Variants in TASP1 observed in about 807,000 individuals in gnomAD.
TASP1 encodes the protein threonine aspartase 1.
A neutral mutation model predicts 56.6 loss-of-function variants in TASP1; 16 were observed. The observed-to-expected ratio is 0.28, with a 90% CI of 0.19 to 0.43. TASP1 has a LOEUF of 0.43. Ranked by LOEUF, TASP1 falls within the 20% of genes least tolerant of loss-of-function variation. The pLI is 1.00. For synonymous variants in TASP1, 179 were observed against 184.2 expected (o/e 0.97, Z 0.23); for missense variants, 393 against 511.6 (o/e 0.77, Z 2.24).
the TASP1 span, among the ~76,000 whole-genome samples, chr20:13,346,696 C>T: frequency 8.9e-4 from 136 of 152,320 alleles, no homozygotes; most frequent in Non-Finnish European, 1.3e-3. Context: ...CTGGCGGCCC[C>T]AGACCTCAGC....
chr20:13,584,924 G>A (rs140984310), intron 5 of TASP1, among the ~76,000 whole-genome samples: 151 of 152,048 alleles, frequency 9.9e-4, no homozygotes, highest in African/African-American at 2.9e-3. Flanking sequence ...AGAAAACCCC[G>A]TTAATTTGAA....
chr20:13,164,845 C>A, the TASP1 span: 6 of 1,613,464 alleles, frequency 3.7e-6, no homozygotes, highest in Non-Finnish European at 5.1e-6. Context: ...TATGATGAGA[C>A]GAGCTTTGAA....
At chr20:13,143,559 C>T in the TASP1 span, among the ~76,000 whole-genome samples, 6 of 152,174 alleles carry the variant, frequency 3.9e-5, no homozygotes, top group Non-Finnish European at 8.8e-5. Context: ...TGGCTTCATA[C>T]TGTTTGAGTG....
At chr20:13,122,136 G>A in the TASP1 span, among the ~76,000 whole-genome samples, 8 of 152,128 alleles carry the variant, frequency 5.3e-5, no homozygotes, top group East Asian at 1.9e-4. Flanking sequence ...TCTAAAACCC[G>A]TCTGTTTTCC....
the TASP1 span, among the ~76,000 whole-genome samples, chr20:13,175,623 A>T: frequency 2.6e-5 from 4 of 152,230 alleles, no homozygotes; most frequent in Non-Finnish European, 5.9e-5. Context: ...GAGAAATCAT[A>T]ACCACAGGCC....
chr20:13,393,062 T>G, intron 13 of TASP1: 1 of 594,292 alleles, frequency 1.7e-6, no homozygotes, highest in Admixed American at 2.1e-5. Context: ...GAGGCCCCCA[T>G]GTTTATATAG....
At chr20:13,607,523 C>T (rs776108792) in intron 4 of TASP1, among the ~76,000 whole-genome samples, 7 of 152,092 alleles carry the variant, frequency 4.6e-5, no homozygotes, top group South Asian at 2.1e-4. Flanking sequence ...AAATATTGTA[C>T]AAAAACTAGA....
intron 10 of TASP1, among the ~76,000 whole-genome samples, chr20:13,511,628 T>A (rs924483443): frequency 6.6e-6 from 1 of 152,032 alleles, no homozygotes; most frequent in Non-Finnish European, 1.5e-5. Context: ...TACTTTAAGT[T>A]CTAGGGTACA....
intron 11 of TASP1, among the ~76,000 whole-genome samples, chr20:13,481,502 T>G (rs1301357203): frequency 2.6e-5 from 4 of 152,088 alleles, no homozygotes; most frequent in Non-Finnish European, 5.9e-5. Context: ...TCCAAACTGT[T>G]CTCCATAGTG....
At chr20:13,224,671 T>C in the TASP1 span, among the ~76,000 whole-genome samples, 1 of 145,650 alleles carries the variant, frequency 6.9e-6, no homozygotes, top group Non-Finnish European at 1.5e-5. Context: ...TTTACCTGAA[T>C]TGTAGTATGT....
At chr20:13,361,002 G>A in the TASP1 span, among the ~76,000 whole-genome samples, 2 of 152,114 alleles carry the variant, frequency 1.3e-5, no homozygotes, top group Non-Finnish European at 2.9e-5. Context: ...CAAGCCACTA[G>A]CCCGCCTCTT....
Position 13,392,551 on chromosome 20 carries a change from T to C in TASP1, c.1171-2099A>G, listed in dbSNP as rs981130139. On this transcript the variant is annotated intron_variant, in intron 13 of 13. Transcript: ENST00000337743. ...AGCATACTACTCCGGAAATGCTGAG[T>C]GGGTAAATGACTGAAATAGACCATT... The C allele has an allele frequency of 2.8e-5, 7 of 254,244 alleles. No individual in the cohort carries two copies. In the East Asian group the frequency reaches 5.2e-4, roughly 19 times the overall value. The allele number at this position is 254,244 out of a possible 1,614,324, so 15.7% of individuals were successfully genotyped here. A position where few individuals can be genotyped will look rare whatever the true frequency, so the allele number is the denominator to read the frequency against.
intron 10 of TASP1, among the ~76,000 whole-genome samples, chr20:13,507,462 G>T (rs1318393041): frequency 6.6e-6 from 1 of 152,094 alleles, no homozygotes; most frequent in African/African-American, 2.4e-5. Context: ...GAGCCCAGGA[G>T]GCGATTCCAT....
the TASP1 span, among the ~76,000 whole-genome samples, chr20:13,121,370 GC>G: frequency 3.3e-5 from 5 of 152,176 alleles, no homozygotes; most frequent in African/African-American, 1.2e-4. Context: ...AGTGAGCTCT[GC>G]CCTGCACACT....
At chr20:13,204,481 G>A in the TASP1 span, among the ~76,000 whole-genome samples, 1 of 151,618 alleles carries the variant, frequency 6.6e-6, no homozygotes, top group African/African-American at 2.4e-5. Flanking sequence ...TATTTCATGT[G>A]GGCGATGTGT....
At chr20:13,417,639 T>C in intron 12 of TASP1, 118 bp from the exon 13 acceptor site, 1 of 1,017,634 alleles carries the variant, frequency 9.8e-7, no homozygotes, top group Non-Finnish European at 1.4e-6. Flanking sequence ...TTCCCCACTT[T>C]CCATTTGCTT....
intron 10 of TASP1, among the ~76,000 whole-genome samples, chr20:13,493,795 A>ATG (rs1188498565): frequency 5.9e-5 from 9 of 152,176 alleles, no homozygotes; most frequent in African/African-American, 1.9e-4. Flanking sequence ...ACACATCTCA[A>ATG]TGTAGAAATT....
chr20:13,355,469 C>G, the TASP1 span, among the ~76,000 whole-genome samples: 1 of 152,212 alleles, frequency 6.6e-6, no homozygotes, highest in Non-Finnish European at 1.5e-5. Flanking sequence ...GCTCCACCCT[C>G]TCCTTTGGGA....
chr20:13,500,064 G>T (rs1051438416), intron 10 of TASP1, among the ~76,000 whole-genome samples: 2 of 151,340 alleles, frequency 1.3e-5, no homozygotes, highest in Non-Finnish European at 1.5e-5. Context: ...TACACTAGAA[G>T]CCCAAACCTC....
Sources: allele counts gnomAD v4.1 joint callset (sites outside exome capture counted in the v4.1 genomes callset), GRCh38; gene constraint gnomAD v4.1.1; transcripts MANE v1.5; gene names NCBI Gene and HGNC (gene_info 2026-07-23, HGNC 2026-07-21).